TM9SF3: variants seen among roughly 807,000 people sequenced by gnomAD.
The protein encoded by TM9SF3 is SM-11044-binding protein.
Under a neutral mutation model 78.6 loss-of-function variants are expected in TM9SF3, and 14 were observed. The ratio of observed to expected loss-of-function variants is 0.18; its 90% CI spans 0.12 to 0.28. The LOEUF (loss-of-function observed/expected upper bound fraction) is 0.28. Ranked by LOEUF, TM9SF3 falls within the 10% of genes least tolerant of loss-of-function variation. The pLI is 1.00. For synonymous variants in TM9SF3, 231 were observed against 241.7 expected, an observed-to-expected ratio of 0.96 and a Z score of 0.41; for missense variants, 496 against 721.9, an observed-to-expected ratio of 0.69 and a Z score of 3.59.
In TM9SF3 at chr10:96,586,734, C is replaced by T; in HGVS notation, c.102G>A (p.Thr34=). ...GGCCGCGCCGGCCGGGGCGCCTCAC[C>T]GTGTGTTCGTGCTCGTCCGCCCGGG... ...PRTRADEHEH[T]YQDKEEVVLW... is the part of the protein sequence containing the mutation. Residue 34 remains threonine, a splice_region_variant and synonymous_variant, in exon 1 of 15, where the codon ACG becomes ACA. Transcript: ENST00000371142. The T allele has an allele frequency of 8.1e-7, 1 of 1,239,014 alleles. No homozygotes were observed. The highest frequency in any genetic ancestry group is 1.6e-5 in the African/African-American group (1 of 63,926). The allele number at this position is 1,239,014 out of a possible 1,614,324, so 76.8% of individuals were successfully genotyped here.
intron 9 of TM9SF3, among the ~76,000 whole-genome samples, chr10:96,540,137 A>G (rs1205275175): frequency 2.0e-5 from 3 of 152,132 alleles, no homozygotes; most frequent in Non-Finnish European, 4.4e-5. Context: ...TCATTATTTT[A>G]TATTACTAGT....
Position 96,562,220 on chromosome 10 carries a change from T to TG in TM9SF3, c.422-83_422-82insC. ...TACAAGCTAAATGCTCATTAAGTTT[T>TG]TTTTTTTTTTTTTTTTACCTCCGCC... On this transcript the variant is annotated intron_variant, in intron 3 of 14. Transcript: ENST00000371142. 1.6e-4 allele frequency: 148 copies of TG among 934,466 alleles called. No individual in the cohort carries two copies. In the South Asian group the frequency reaches 2.4e-3, roughly 15 times the overall value. 57.9% of individuals were successfully genotyped at this position (934,466 alleles called of 1,614,324 possible).
In TM9SF3 at chr10:96,520,449, A is replaced by G. The variant is rs1847751367; in HGVS notation, c.*1814T>C. ...CACAATATAGGATGTAGAGTCCATC[A>G]ATAGATAGGTACATATTTTGTAATG... On this transcript the variant is annotated 3_prime_UTR_variant, in exon 15 of 15. Coordinates refer to ENST00000371142, the MANE Select transcript of TM9SF3 (RefSeq NM_020123.4). The G allele has an allele frequency of 6.5e-6, 1 of 154,752 alleles. No individual in the cohort carries two copies. Among genetic ancestry groups the G allele is most frequent in the Non-Finnish European group, 1.4e-5 (1 of 69,852 alleles). 9.6% of individuals were successfully genotyped at this position (154,752 alleles called of 1,614,324 possible). A position where few individuals can be genotyped will look rare whatever the true frequency, so the allele number is the denominator to read the frequency against.
intron 9 of TM9SF3, among the ~76,000 whole-genome samples, chr10:96,541,572 T>C (rs1424026535): frequency 6.6e-6 from 1 of 152,008 alleles, no homozygotes; most frequent in South Asian, 2.1e-4. Context: ...TCAGTAGAGA[T>C]AGGGTTTCAC....
In TM9SF3 at chr10:96,562,128, A is replaced by G. The variant is rs150083888; in HGVS notation, c.432T>C (p.Gly144=). The G allele has an allele frequency of 1.2e-6, 2 of 1,609,666 alleles. No homozygotes were observed. Among genetic ancestry groups the G allele is most frequent in the African/African-American group, 2.7e-5 (2 of 74,552 alleles). The change falls in exon 4 of 15, where the codon GGT becomes GGC. Residue 144 remains glycine (G), a synonymous_variant. Coordinates refer to ENST00000371142, the MANE Select transcript of TM9SF3 (RefSeq NM_020123.4). ...IDDLPIWGIV[G]EADENGEDYY... ...AATCTTCTCCATTTTCATCAGCCTC[A>G]CCAACAATACCTACAAAAGAAAAAA...
intron 1 of TM9SF3, among the ~76,000 whole-genome samples, chr10:96,580,731 GTAA>G (rs148206058): frequency 0.013 from 2,026 of 152,110 alleles, 20 homozygotes; most frequent in Middle Eastern, 0.024. Flanking sequence ...CACCATTTTT[GTAA>G]TAATAACATC....
chr10:96,522,968 G>C (rs1432248973), intron 14 of TM9SF3, among the ~76,000 whole-genome samples: 2 of 151,820 alleles, frequency 1.3e-5, no homozygotes. Context: ...CTCAACCAGA[G>C]CTTAAAACAC....
chr10:96,581,919 G>A (rs1848574000), intron 1 of TM9SF3, among the ~76,000 whole-genome samples: 1 of 152,140 alleles, frequency 6.6e-6, no homozygotes, highest in South Asian at 2.1e-4. Flanking sequence ...GGGAATTTTA[G>A]CCTAGGTAGG....
intron 2 of TM9SF3, among the ~76,000 whole-genome samples, chr10:96,575,262 T>C (rs1231753579): frequency 6.6e-6 from 1 of 152,160 alleles, no homozygotes; most frequent in Non-Finnish European, 1.5e-5. Context: ...GACGATTACA[T>C]ATAGTACCAA....
In TM9SF3 at chr10:96,533,104, G is replaced by C. The variant is rs1420750381; in HGVS notation, c.1272C>G (p.Pro424=). The change falls in exon 10 of 15, where the codon CCC becomes CCG. Residue 424 remains proline, a synonymous_variant. Transcript: ENST00000371142. ...CAGCATTGACACGACAAGGAAAGTT[G>C]GGCTGACCTGACAGATTTCGGCCAA... ...TILGRNLSGQ[P]NFPCRVNAVP... is the part of the protein sequence containing the mutation. The C allele has an allele frequency of 6.2e-7, 1 of 1,613,940 alleles. No homozygotes were observed.
At chr10:96,538,178 G>T (rs1847981957) in intron 9 of TM9SF3, among the ~76,000 whole-genome samples, 1 of 152,096 alleles carries the variant, frequency 6.6e-6, no homozygotes, top group African/African-American at 2.4e-5. Flanking sequence ...AATTGAAATA[G>T]AACAAATCAA....
chr10:96,527,215 C>A lies in TM9SF3; in HGVS notation c.1700G>T (p.Cys567Phe). 6.2e-7 allele frequency: 1 copy of A among 1,607,716 alleles called. No homozygotes were observed. The highest frequency in any genetic ancestry group is 8.5e-7 in the Non-Finnish European group (1 of 1,177,038). ...GTTCAAAGAATTTCAAAACTTACCA[C>A]ACATTATCCCCAAGGCTGTGCTAAA... Reference protein sequence around the residue: ...AVFSTALGIMCGAIGYMGTSA... With the variant: ...AVFSTALGIMFGAIGYMGTSA... The change falls in exon 14 of 15, where the codon TGT becomes TTT. Residue 567 changes from cysteine to phenylalanine, a missense_variant and splice_region_variant. By Grantham distance (205) the Cys-to-Phe change is radical (BLOSUM62 -2). This residue lies in a region of TM9SF3 where 280 missense variants were observed against 422.6 expected (regional missense o/e 0.66). Coordinates refer to ENST00000371142, the MANE Select transcript of TM9SF3 (RefSeq NM_020123.4).
chr10:96,532,476 T>TTA (rs59557354), intron 10 of TM9SF3, among the ~76,000 whole-genome samples: 1,701 of 151,738 alleles, frequency 0.011, 29 homozygotes, highest in African/African-American at 0.038. Flanking sequence ...GACAGAGACT[T>TTA]TATATATATA....
chr10:96,581,790 T>C, intron 1 of TM9SF3, among the ~76,000 whole-genome samples: 1 of 152,192 alleles, frequency 6.6e-6, no homozygotes, highest in Non-Finnish European at 1.5e-5. Context: ...AATCACTCCG[T>C]GATATAATAC....
At chr10:96,556,855 C>G (rs1427687262) in intron 5 of TM9SF3, among the ~76,000 whole-genome samples, 1 of 152,104 alleles carries the variant, frequency 6.6e-6, no homozygotes, top group East Asian at 1.9e-4. Flanking sequence ...TCAAGTTCAC[C>G]AATGACTTCA....
chr10:96,529,336 G>A (rs1276428666), intron 11 of TM9SF3, among the ~76,000 whole-genome samples: 3 of 152,110 alleles, frequency 2.0e-5, no homozygotes, highest in African/African-American at 4.8e-5. Flanking sequence ...TAAATTAAAT[G>A]TTACATAAAC....
At chr10:96,577,875 G>A (rs1848515844) in intron 1 of TM9SF3, among the ~76,000 whole-genome samples, 1 of 152,102 alleles carries the variant, frequency 6.6e-6, no homozygotes, top group Non-Finnish European at 1.5e-5. Context: ...TGATCCAACT[G>A]GCCCACTATG....
At chr10:96,533,017 G>A (rs777254722) in intron 10 of TM9SF3, 34 bp downstream of exon 10, 2 of 1,611,962 alleles carry the variant, frequency 1.2e-6, no homozygotes, top group Non-Finnish European at 1.7e-6. Flanking sequence ...TATATTGTGT[G>A]AAACAATCGC....
chr10:96,536,971 T>A (rs2134134665), intron 9 of TM9SF3, among the ~76,000 whole-genome samples: 1 of 152,278 alleles, frequency 6.6e-6, no homozygotes, highest in South Asian at 2.1e-4. Flanking sequence ...ACCTTACGAT[T>A]TTCTTAATAA....
Sources: gnomAD v4.1 joint callset for allele counts (sites outside exome capture counted in the v4.1 genomes callset) on GRCh38, gnomAD v4.1.1 for gene constraint, gnomAD v4.1.1 regional missense constraint, MANE v1.5 for transcripts, NCBI Gene and HGNC (gene_info 2026-07-23, HGNC 2026-07-21) for gene names.